Variants in CHST8 observed in about 807,000 individuals in gnomAD.
CHST8 encodes carbohydrate sulfotransferase 8, also known as GALNAC-4-ST1.
CHST8 carries 10 observed loss-of-function variants against 15.0 expected under a neutral mutation model. The observed-to-expected ratio is 0.67, with a 90% CI of 0.41 to 1.13. CHST8 has a LOEUF of 1.13. Among genes scored for constraint, CHST8 ranks in the 50% most tolerant of loss-of-function variants. The pLI, the probability that CHST8 is intolerant of heterozygous loss-of-function variation, is 0.00. For missense variants in CHST8, 634 were observed against 608.2 expected, an observed-to-expected ratio of 1.04 and a Z score of -0.45; for synonymous variants, 259 against 256.6, an observed-to-expected ratio of 1.01 and a Z score of -0.09.
At chr19:33,691,166 G>A (rs1466832491) in intron 3 of CHST8, among the ~76,000 whole-genome samples, 6 of 152,198 alleles carry the variant, frequency 3.9e-5, no homozygotes, top group Non-Finnish European at 8.8e-5. Flanking sequence ...CCAGCTTCCC[G>A]AGTGCACATA....
chr19:33,712,430 C>T (rs1257677339), intron 3 of CHST8, among the ~76,000 whole-genome samples: 2 of 152,038 alleles, frequency 1.3e-5, no homozygotes, highest in Non-Finnish European at 2.9e-5. Flanking sequence ...TGAGGTGACC[C>T]CTGGTTGCTG....
At chr19:33,740,150 G>T (rs773512024) in intron 3 of CHST8, among the ~76,000 whole-genome samples, 7 of 152,146 alleles carry the variant, frequency 4.6e-5, no homozygotes, top group Non-Finnish European at 5.9e-5. Flanking sequence ...CAAGCTGTAG[G>T]AGCCCCAAGT....
chr19:33,631,509 G>A (rs1446280072), intron 1 of CHST8, among the ~76,000 whole-genome samples: 2 of 152,096 alleles, frequency 1.3e-5, no homozygotes, highest in African/African-American at 4.8e-5. Context: ...CCACTCACAC[G>A]CCTCTTTCTC....
chr19:33,645,589 G>A (rs1189004135), intron 1 of CHST8, among the ~76,000 whole-genome samples: 2 of 152,216 alleles, frequency 1.3e-5, no homozygotes, highest in African/African-American at 4.8e-5. Flanking sequence ...CACAGCTGAG[G>A]TGGGAAAGAG....
At chr19:33,648,738 C>A (rs971266353) in intron 1 of CHST8, among the ~76,000 whole-genome samples, 10 of 151,932 alleles carry the variant, frequency 6.6e-5, no homozygotes, top group African/African-American at 2.4e-4. Flanking sequence ...AATATATGTC[C>A]CCAAAGACTT....
Position 33,634,964 on chromosome 19 carries a change from C to T in CHST8, c.-164+12668C>T, listed in dbSNP as rs376784084. ...AGCCAACTTCCAACAGAGCTGCAGC[C>T]GTGCCCCCAGCAGCCTTGCTCACCC... On this transcript the variant is annotated intron_variant, in intron 1 of 4. Transcript: ENST00000650847. Among the ~76,000 whole-genome samples, 12 of 152,240 alleles carry T rather than the reference C, an allele frequency of 7.9e-5. No individual in the cohort carries two copies. In the East Asian group the frequency reaches 1.4e-3, roughly 17 times the overall value.
At chr19:33,667,945 A>G (rs1206940524) in intron 2 of CHST8, 102 bp downstream of exon 2, 1 of 152,172 alleles carries the variant, frequency 6.6e-6, no homozygotes, top group Non-Finnish European at 1.5e-5. Flanking sequence ...ACCACAAAGA[A>G]AGCGCCGAAG....
intron 3 of CHST8, among the ~76,000 whole-genome samples, chr19:33,692,433 C>T (rs1420306316): frequency 6.6e-6 from 1 of 152,124 alleles, no homozygotes; most frequent in Admixed American, 6.6e-5. Flanking sequence ...TGTGGTGGCA[C>T]GTGCCTGTAA....
rs1247513886 is a variant in CHST8, at chr19:33,772,782, A to C, written c.994A>C (p.Ser332Arg). 1 of 1,613,336 alleles carries C rather than the reference A, an allele frequency of 6.2e-7. No individual in the cohort carries two copies. Among genetic ancestry groups the C allele is most frequent in the African/African-American group, 1.3e-5 (1 of 74,932 alleles). Reference protein sequence around the residue: ...VGMDIHWDHVSRLCSPCLIDY... With the variant: ...VGMDIHWDHVRRLCSPCLIDY... Reference sequence around the variant, plus strand: ...GATGGACATTCACTGGGACCATGTCAGCCGGCTCTGCAGCCCCTGCCTCAT... The same window carrying C: ...GATGGACATTCACTGGGACCATGTCCGCCGGCTCTGCAGCCCCTGCCTCAT... Residue 332 changes from serine (S) to arginine (R), a missense_variant, in exon 5 of 5, where the codon AGC becomes CGC. Physicochemically the swap from Ser to Arg is moderately radical, Grantham distance 110. Transcript: ENST00000650847.
intron 1 of CHST8, among the ~76,000 whole-genome samples, chr19:33,631,713 C>G (rs1450734132): frequency 6.6e-6 from 1 of 152,140 alleles, no homozygotes; most frequent in Non-Finnish European, 1.5e-5. Context: ...CTTCTTGATT[C>G]CCTCTTCCAC....
intron 1 of CHST8, among the ~76,000 whole-genome samples, chr19:33,631,130 C>T (rs1972116286): frequency 6.6e-6 from 1 of 152,224 alleles, no homozygotes; most frequent in South Asian, 2.1e-4. Context: ...TGGTTGGGCT[C>T]AGCATGTGAT....
intron 2 of CHST8, among the ~76,000 whole-genome samples, chr19:33,687,269 C>A (rs1267551741): frequency 2.6e-5 from 4 of 152,230 alleles, no homozygotes; most frequent in African/African-American, 9.6e-5. Flanking sequence ...GGCAGTGAAC[C>A]CCAGGTCCTC....
intron 3 of CHST8, among the ~76,000 whole-genome samples, chr19:33,712,408 G>A (rs1297861467): frequency 6.6e-6 from 1 of 152,186 alleles, no homozygotes; most frequent in Non-Finnish European, 1.5e-5. Context: ...AGGCTTTGTA[G>A]TATCAAGAAG....
At chr19:33,698,137 C>T (rs1299553068) in intron 3 of CHST8, among the ~76,000 whole-genome samples, 1 of 152,120 alleles carries the variant, frequency 6.6e-6, no homozygotes, top group Non-Finnish European at 1.5e-5. Flanking sequence ...ATAAGCCGGG[C>T]GTGATGGCAT....
At chr19:33,688,759 G>A (rs770109668) in intron 2 of CHST8, among the ~76,000 whole-genome samples, 13 of 152,118 alleles carry the variant, frequency 8.5e-5, no homozygotes, top group South Asian at 2.1e-4. Context: ...TCTGCCCACC[G>A]GGCCGGGTAC....
At chr19:33,647,750 G>T (rs1972372445) in intron 1 of CHST8, among the ~76,000 whole-genome samples, 1 of 152,052 alleles carries the variant, frequency 6.6e-6, no homozygotes, top group Non-Finnish European at 1.5e-5. Flanking sequence ...GGAGGCTGAG[G>T]CAGGAGAATC....
At chr19:33,656,122 G>T (rs974537199) in intron 1 of CHST8, among the ~76,000 whole-genome samples, 2 of 152,008 alleles carry the variant, frequency 1.3e-5, no homozygotes, top group Non-Finnish European at 2.9e-5. Context: ...TTTCCTCCTT[G>T]ATGCAAGAGA....
intron 3 of CHST8, among the ~76,000 whole-genome samples, chr19:33,694,631 G>C (rs1416208313): frequency 3.9e-5 from 6 of 152,162 alleles, no homozygotes; most frequent in Admixed American, 6.5e-5. Context: ...CCAGGCTGGA[G>C]TGCAGTGGCA....
chr19:33,707,775 G>T (rs1973475454), intron 3 of CHST8, among the ~76,000 whole-genome samples: 1 of 152,114 alleles, frequency 6.6e-6, no homozygotes, highest in Admixed American at 6.5e-5. Flanking sequence ...AAATATTTAG[G>T]AGTAGAATGG....
Sources: allele counts gnomAD v4.1 joint callset (sites outside exome capture counted in the v4.1 genomes callset), GRCh38; gene constraint gnomAD v4.1.1; transcripts MANE v1.5; gene names NCBI Gene and HGNC (gene_info 2026-07-23, HGNC 2026-07-21).